FBXO8: variants seen among roughly 807,000 people sequenced by gnomAD.
The protein encoded by FBXO8 is F-box protein 8.
In FBXO8, 15 loss-of-function variants were observed where a neutral mutation model predicts 33.4. The ratio of observed to expected loss-of-function variants is 0.45; its 90% CI spans 0.30 to 0.69. The LOEUF (loss-of-function observed/expected upper bound fraction) is 0.69. Ranked by LOEUF, FBXO8 falls within the 30% of genes least tolerant of loss-of-function variation. The pLI, the probability that FBXO8 is intolerant of heterozygous loss-of-function variation, is 0.08. For missense variants in FBXO8, 274 were observed against 380.3 expected (o/e 0.72, Z 2.32); for synonymous variants, 132 against 131.5 (o/e 1.00, Z -0.02).
Position 174,259,527 on chromosome 4 carries a change from C to T in FBXO8, c.456+172G>A, listed in dbSNP as rs568468605. 1.3e-5 allele frequency among the ~76,000 whole-genome samples: 2 copies of T among 151,920 alleles called. No homozygotes were observed. Among genetic ancestry groups the T allele is most frequent in the East Asian group, 1.9e-4 (1 of 5,178 alleles). On this transcript the variant is annotated intron_variant, in intron 3 of 5. Coordinates refer to ENST00000393674, the MANE Select transcript of FBXO8 (RefSeq NM_012180.3). The surrounding 1 kb of genome is among the most constrained non-coding windows in gnomAD (Gnocchi z 4.3). The stretch of plus-strand genomic sequence containing the variant: ...AAGGTTAGAACGTGACATGGTAAGG[C>T]GAAGAAAAATGACTATGTCACATAG...
intron 3 of FBXO8, among the ~76,000 whole-genome samples, chr4:174,242,474 T>A (rs1736062504): frequency 1.3e-5 from 2 of 151,608 alleles, no homozygotes; most frequent in South Asian, 4.1e-4. Context: ...TTATGAGCCA[T>A]CAACATAATA....
At position 174,241,314 on chromosome 4, in the gene FBXO8, C is replaced by G; in HGVS notation, c.457-96G>C. 1 of 644,572 alleles carries G rather than the reference C, an allele frequency of 1.6e-6. No homozygotes were observed. Among genetic ancestry groups the G allele is most frequent in the Non-Finnish European group, 2.7e-6 (1 of 376,832 alleles). The allele number at this position is 644,572 out of a possible 1,614,324, so 39.9% of individuals were successfully genotyped here. ...GCACAACAGTAGCTATAAATTCTTT[C>G]CAGCATTAATAGACTTTTTGTAGCT... On this transcript the variant is annotated intron_variant, in intron 3 of 5. Transcript: ENST00000393674. This position sits in a 1 kb window ranked among gnomAD's most constrained non-coding sequence, Gnocchi z 4.2.
rs1419569294 is a variant in FBXO8 at position 174,272,575 on chromosome 4, T to C, written c.-8-9475A>G. Among the ~76,000 whole-genome samples, 2 of 152,066 alleles carry C rather than the reference T, an allele frequency of 1.3e-5. No individual in the cohort carries two copies. Among genetic ancestry groups the C allele is most frequent in the Admixed American group, 1.3e-4 (2 of 15,280 alleles). ...ACACTGATGATGATCAATAAAAACA[T>C]AAAGGAGAAGGAAAGCTCTTTTTTA... is the stretch of plus-strand genomic sequence containing the variant. On this transcript the variant is annotated intron_variant, in intron 1 of 5. Transcript: ENST00000393674. The surrounding 1 kb of genome is among the most constrained non-coding windows in gnomAD (Gnocchi z 4.7).
chr4:174,239,276 G>C, intron 4 of FBXO8, 86 bp from the exon 5 acceptor site: 1 of 877,644 alleles, frequency 1.1e-6, no homozygotes, highest in Non-Finnish European at 1.7e-6. Context: ...CCATTTTTTG[G>C]ATAAAATACC....
Position 174,262,988 on chromosome 4 carries a change from C to G in FBXO8, c.105G>C (p.Ala35=), listed in dbSNP as rs369222126. 6.2e-7 allele frequency: 1 copy of G among 1,613,878 alleles called. No homozygotes were observed. Among genetic ancestry groups the G allele is most frequent in the Non-Finnish European group, 8.5e-7 (1 of 1,179,920 alleles). ...LTREQSRRMA[A]SNISNTNHRK... ...GATGATTGGTGTTAGAAATGTTGCT[C>G]GCAGCCATTCTCCTGCTCTGCTCTC... Residue 35 remains alanine, a synonymous_variant, in exon 2 of 6, where the codon GCG becomes GCC. Transcript: ENST00000393674. The surrounding 1 kb of genome is among the most constrained non-coding windows in gnomAD (Gnocchi z 4.6).
chr4:174,271,941 C>A (rs1429132356), intron 1 of FBXO8, among the ~76,000 whole-genome samples: 2 of 152,138 alleles, frequency 1.3e-5, no homozygotes, highest in African/African-American at 2.4e-5. Flanking sequence ...CTGCTATACA[C>A]TAATATGGTG....
chr4:174,249,141 T>G (rs1447623087), intron 3 of FBXO8, among the ~76,000 whole-genome samples: 1 of 152,064 alleles, frequency 6.6e-6, no homozygotes, highest in Admixed American at 6.6e-5. Context: ...AAGAACCACA[T>G]TAGTGACTGG....
In FBXO8 at chr4:174,253,949, T is replaced by C. The variant is rs1736357732; in HGVS notation, c.456+5750A>G. On this transcript the variant is annotated intron_variant, in intron 3 of 5. Coordinates refer to ENST00000393674, the MANE Select transcript of FBXO8 (RefSeq NM_012180.3). This position sits in a 1 kb window ranked among gnomAD's most constrained non-coding sequence, Gnocchi z 4.5. ...GAGGGTGAAAGTCAACACACTCAGGTCCATCAAGAGATCATCATCTCACTA... is the reference window on the plus strand; with the variant it reads ...GAGGGTGAAAGTCAACACACTCAGGCCCATCAAGAGATCATCATCTCACTA... Among the ~76,000 whole-genome samples the C allele has an allele frequency of 6.6e-6, 1 of 152,154 alleles. No individual in the cohort carries two copies. Among genetic ancestry groups the C allele is most frequent in the African/African-American group, 2.4e-5 (1 of 41,450 alleles).
rs1355328520 is a variant in FBXO8, at chr4:174,237,456, G to A, written c.916C>T (p.His306Tyr). 7 of 1,613,668 alleles carry A rather than the reference G, an allele frequency of 4.3e-6. No individual in the cohort carries two copies. Among genetic ancestry groups the A allele is most frequent in the Non-Finnish European group, 5.1e-6 (6 of 1,179,692 alleles). ...ATAAGGTAGATATTGTCATAAAGAT[G>A]CCCTACAAAATCTTCACTAATATTT... is the stretch of plus-strand genomic sequence containing the variant. ...AQNISEDFVG[H>Y]LYDNIYLIGH... Residue 306 changes from histidine (H) to tyrosine (Y), a missense_variant, in exon 6 of 6, where the codon CAT (histidine) becomes TAT (tyrosine). His to Tyr is a moderately conservative substitution (Grantham distance 83). Around this residue, in one of 2 missense-constraint regions of FBXO8, gnomAD observed 186 missense variants for 293.4 expected, o/e 0.63. Coordinates refer to ENST00000393674, the MANE Select transcript of FBXO8 (RefSeq NM_012180.3). This position sits in a 1 kb window ranked among gnomAD's most constrained non-coding sequence, Gnocchi z 4.4.
chr4:174,268,691 C>CT (rs1388402000), intron 1 of FBXO8, among the ~76,000 whole-genome samples: 1 of 152,212 alleles, frequency 6.6e-6, no homozygotes, highest in African/African-American at 2.4e-5. Flanking sequence ...CCGCCTTGGC[C>CT]TCCCAAAGTG....
At chr4:174,266,152 T>G (rs919401857) in intron 1 of FBXO8, among the ~76,000 whole-genome samples, 16 of 152,110 alleles carry the variant, frequency 1.1e-4, no homozygotes, top group African/African-American at 3.6e-4. Flanking sequence ...GCTCCGGACT[T>G]TAATGGGGAT....
chr4:174,282,601 G>A (rs1045866102), intron 1 of FBXO8, among the ~76,000 whole-genome samples: 2 of 146,848 alleles, frequency 1.4e-5, no homozygotes, highest in Non-Finnish European at 1.5e-5. Context: ...TCCTACCTCA[G>A]AAATACATTA....
Position 174,251,399 on chromosome 4 carries a change from C to T in FBXO8, c.456+8300G>A, listed in dbSNP as rs913763787. ...TTTCAAGTTTCTAAAAGGTTTATTC[C>T]GAGTCCACAAACCTCCTCTGGGAAC... On this transcript the variant is annotated intron_variant, in intron 3 of 5. Transcript: ENST00000393674. The surrounding 1 kb of genome is among the most constrained non-coding windows in gnomAD (Gnocchi z 4.2). 2.0e-5 allele frequency among the ~76,000 whole-genome samples: 3 copies of T among 152,162 alleles called. No individual in the cohort carries two copies. Among genetic ancestry groups the T allele is most frequent in the African/African-American group, 2.4e-5 (1 of 41,528 alleles).
rs1736824803 is a variant in FBXO8 at position 174,270,950 on chromosome 4, T to G, written c.-8-7850A>C. 6.6e-6 allele frequency among the ~76,000 whole-genome samples: 1 copy of G among 152,156 alleles called. No homozygotes were observed. The highest frequency in any genetic ancestry group is 2.4e-5 in the African/African-American group (1 of 41,420). ...TCATCTCATGACCATGATTTGCAAT[T>G]TGTAAGATATCAATTGGACAGGAAA... On this transcript the variant is annotated intron_variant, in intron 1 of 5. Transcript: ENST00000393674. This position sits in a 1 kb window ranked among gnomAD's most constrained non-coding sequence, Gnocchi z 4.6.
intron 2 of FBXO8, among the ~76,000 whole-genome samples, chr4:174,260,043 T>G (rs2126434281): frequency 6.6e-6 from 1 of 152,092 alleles, no homozygotes; most frequent in Middle Eastern, 3.4e-3. Flanking sequence ...TAAATGTGAG[T>G]TATAGAGATT....
At chr4:174,266,511 C>T (rs1675800448) in intron 1 of FBXO8, among the ~76,000 whole-genome samples, 1 of 152,112 alleles carries the variant, frequency 6.6e-6, no homozygotes, top group Non-Finnish European at 1.5e-5. Context: ...TAGCGTTCTG[C>T]CCCCATTCCC....
In FBXO8 at chr4:174,237,311, C is replaced by T; in HGVS notation, c.*101G>A. On this transcript the variant is annotated 3_prime_UTR_variant, in exon 6 of 6. Coordinates refer to ENST00000393674, the MANE Select transcript of FBXO8 (RefSeq NM_012180.3). The surrounding 1 kb of genome is among the most constrained non-coding windows in gnomAD (Gnocchi z 4.4). The stretch of plus-strand genomic sequence containing the variant: ...TTGCACACTGAAGCTTGATTGTATA[C>T]TCAGGCTACAATGACCAGCACTGAT... The T allele has an allele frequency of 9.8e-6, 9 of 918,460 alleles. No individual in the cohort carries two copies. In the South Asian group the frequency reaches 1.8e-4, roughly 19 times the overall value. The allele number at this position is 918,460 out of a possible 1,614,324, so 56.9% of individuals were successfully genotyped here.
intron 3 of FBXO8, among the ~76,000 whole-genome samples, chr4:174,242,500 G>A (rs777734357): frequency 5.9e-5 from 9 of 151,438 alleles, no homozygotes; most frequent in East Asian, 1.9e-4. Context: ...CTAGCAATTC[G>A]ATCAAATTTT....
At chr4:174,243,864 C>A (rs529010924) in intron 3 of FBXO8, among the ~76,000 whole-genome samples, 96 of 151,124 alleles carry the variant, frequency 6.4e-4, no homozygotes, top group African/African-American at 2.3e-3. Flanking sequence ...GTATAGTCTA[C>A]AAAATTGACT....
Sources: gnomAD v4.1 joint callset for allele counts (sites outside exome capture counted in the v4.1 genomes callset) on GRCh38, gnomAD v4.1.1 for gene constraint, gnomAD v4.1.1 regional missense constraint, Gnocchi (gnomAD v3.1) non-coding constraint, MANE v1.5 for transcripts, NCBI Gene and HGNC (gene_info 2026-07-23, HGNC 2026-07-21) for gene names.